MED13L: variants seen among roughly 807,000 people sequenced by gnomAD.
The protein encoded by MED13L is mediator of RNA polymerase II transcription subunit 13-like.
Under a neutral mutation model 220.9 loss-of-function variants are expected in MED13L, and 7 were observed. That is an observed-to-expected ratio of 0.03 (90% CI 0.02 to 0.06). The LOEUF (loss-of-function observed/expected upper bound fraction) is 0.06, where lower values mean the gene tolerates loss of function less well. Ranked by LOEUF, MED13L falls within the 10% of genes least tolerant of loss-of-function variation. The pLI, the probability that MED13L is intolerant of heterozygous loss-of-function variation, is 1.00. For missense variants in MED13L, 1,965 were observed against 2,760.5 expected, an observed-to-expected ratio of 0.71 and a Z score of 6.46; for synonymous variants, 1,011 against 1,015.2, an observed-to-expected ratio of 1.00 and a Z score of 0.08.
intron 2 of MED13L, among the ~76,000 whole-genome samples, chr12:116,210,260 G>A (rs1593168667): frequency 6.6e-6 from 1 of 152,038 alleles, no homozygotes; most frequent in Non-Finnish European, 1.5e-5. Context: ...ATTGCAGGAC[G>A]GAGTATCAAC....
intron 2 of MED13L, among the ~76,000 whole-genome samples, chr12:116,217,451 G>C (rs1430324353): frequency 6.6e-6 from 1 of 152,100 alleles, no homozygotes; most frequent in African/African-American, 2.4e-5. Context: ...AAACAGGATT[G>C]GTAAAAGTCC....
intron 2 of MED13L, among the ~76,000 whole-genome samples, chr12:116,214,138 TAAAAC>T (rs769414279): frequency 3.9e-5 from 6 of 152,136 alleles, no homozygotes; most frequent in Non-Finnish European, 5.9e-5. Flanking sequence ...TGCTTTCACT[TAAAAC>T]AAAAAAGTCA....
chr12:116,012,942 C>T, intron 8 of MED13L, 41 bp from the exon 9 acceptor site: 1 of 1,397,850 alleles, frequency 7.2e-7, no homozygotes, highest in Non-Finnish European at 1.0e-6. Flanking sequence ...GAACATAATA[C>T]CCATACCCCT....
chr12:116,115,554 G>T (rs1417914602), intron 2 of MED13L, among the ~76,000 whole-genome samples: 1 of 151,728 alleles, frequency 6.6e-6, no homozygotes, highest in Non-Finnish European at 1.5e-5. Flanking sequence ...GTTATGTTAA[G>T]CTATGGAAAA....
At chr12:116,158,212 C>T (rs1169806201) in intron 2 of MED13L, among the ~76,000 whole-genome samples, 1 of 150,222 alleles carries the variant, frequency 6.7e-6, no homozygotes, top group African/African-American at 2.5e-5. Flanking sequence ...TACTGCAAGA[C>T]AAGGCAAGAG....
chr12:116,119,838 AATATATATAT>A (rs1555213243), intron 2 of MED13L, among the ~76,000 whole-genome samples: 76 of 31,594 alleles, frequency 2.4e-3, no homozygotes, highest in African/African-American at 0.01. Context: ...AAAAAAAAAA[AATATATATAT>A]ATATATATAT....
At chr12:116,135,096 G>A (rs1876420127) in intron 2 of MED13L, among the ~76,000 whole-genome samples, 1 of 152,220 alleles carries the variant, frequency 6.6e-6, no homozygotes, top group African/African-American at 2.4e-5. Context: ...TTGAGCCTGG[G>A]AGGCAGAGGT....
intron 2 of MED13L, among the ~76,000 whole-genome samples, chr12:116,217,191 A>T (rs1448669659): frequency 6.6e-6 from 1 of 152,226 alleles, no homozygotes. Context: ...AGCATGACCA[A>T]GAGGGTGCTT....
Position 116,277,681 on chromosome 12 carries a change from C to T in MED13L, c.-550G>A, listed in dbSNP as rs1414575283. Among the ~76,000 whole-genome samples the T allele has an allele frequency of 3.3e-5, 5 of 149,710 alleles. No homozygotes were observed. In the East Asian group the frequency reaches 7.8e-4, roughly 24 times the overall value. On this transcript the variant is annotated 5_prime_UTR_variant, in exon 1 of 31. Coordinates refer to ENST00000281928, the MANE Select transcript of MED13L (RefSeq NM_015335.5). ...TCTCCTCCCTCCCCGGGCTCGCTTG[C>T]TCTGACAGCAATGGCGGCCGCCGAC... is the stretch of plus-strand genomic sequence containing the variant.
chr12:115,964,202 A>G (rs546540413), intron 29 of MED13L, among the ~76,000 whole-genome samples: 4 of 152,366 alleles, frequency 2.6e-5, no homozygotes, highest in African/African-American at 7.2e-5. Context: ...ACCTTTAAAC[A>G]TAACAGTAAT....
At chr12:116,123,874 C>T (rs1160786036) in intron 2 of MED13L, among the ~76,000 whole-genome samples, 4 of 152,020 alleles carry the variant, frequency 2.6e-5, no homozygotes, top group Non-Finnish European at 5.9e-5. Context: ...ATTAGACACG[C>T]CTGGAGTGAT....
chr12:116,255,867 G>A (rs1262812541), intron 1 of MED13L, among the ~76,000 whole-genome samples: 1 of 152,116 alleles, frequency 6.6e-6, no homozygotes, highest in Non-Finnish European at 1.5e-5. Context: ...AAAACTTTTT[G>A]CATGCCAACA....
At chr12:116,267,486 C>G (rs1262503604) in intron 1 of MED13L, among the ~76,000 whole-genome samples, 2 of 152,160 alleles carry the variant, frequency 1.3e-5, no homozygotes, top group Non-Finnish European at 2.9e-5. Flanking sequence ...TCTCTTCCTA[C>G]TAAAGAACAT....
intron 2 of MED13L, among the ~76,000 whole-genome samples, chr12:116,176,407 T>C (rs550671216): frequency 6.6e-6 from 1 of 152,010 alleles, no homozygotes; most frequent in Non-Finnish European, 1.5e-5. Flanking sequence ...ATCATCATCA[T>C]CATCATCATC....
intron 4 of MED13L, among the ~76,000 whole-genome samples, chr12:116,054,125 C>T (rs756038530): frequency 3.3e-5 from 5 of 152,084 alleles, no homozygotes; most frequent in Admixed American, 6.6e-5. Flanking sequence ...CACGTCAACA[C>T]AAAGGGAATT....
chr12:116,251,979 C>T (rs1871606917), intron 1 of MED13L, among the ~76,000 whole-genome samples: 1 of 151,530 alleles, frequency 6.6e-6, no homozygotes, highest in Non-Finnish European at 1.5e-5. Context: ...AATGTCAATT[C>T]TTCAAGAAAA....
chr12:116,157,925 G>C (rs1441486274), intron 2 of MED13L, among the ~76,000 whole-genome samples: 2 of 152,204 alleles, frequency 1.3e-5, no homozygotes, highest in African/African-American at 2.4e-5. Context: ...GAGCAAAGAG[G>C]CAATGATTAC....
chr12:116,057,949 A>C (rs1462257358), intron 4 of MED13L, among the ~76,000 whole-genome samples: 1 of 152,142 alleles, frequency 6.6e-6, no homozygotes, highest in Non-Finnish European at 1.5e-5. Flanking sequence ...ACATTATTTC[A>C]TTTAAAATTT....
At chr12:116,197,551 G>A (rs1881712443) in intron 2 of MED13L, among the ~76,000 whole-genome samples, 1 of 152,058 alleles carries the variant, frequency 6.6e-6, no homozygotes, top group South Asian at 2.1e-4. Context: ...CGGATCACCT[G>A]AGGTCAGGAG....
Sources: allele counts gnomAD v4.1 joint callset (sites outside exome capture counted in the v4.1 genomes callset), GRCh38; gene constraint gnomAD v4.1.1; transcripts MANE v1.5; gene names NCBI Gene and HGNC (gene_info 2026-07-23, HGNC 2026-07-21).